Variants in TNRC6A observed in about 807,000 individuals in gnomAD.
TNRC6A encodes the protein trinucleotide repeat-containing gene 6A protein.
In TNRC6A, 44 loss-of-function variants were observed where a neutral mutation model predicts 221.2. That is an observed-to-expected ratio of 0.20 (90% CI 0.16 to 0.26). The LOEUF (loss-of-function observed/expected upper bound fraction) is 0.26. Ranked by LOEUF, TNRC6A falls within the 10% of genes least tolerant of loss-of-function variation. The pLI is 1.00. For missense variants in TNRC6A, 2,199 were observed against 2,404.4 expected, an observed-to-expected ratio of 0.91 and a Z score of 1.79; for synonymous variants, 847 against 838.5, an observed-to-expected ratio of 1.01 and a Z score of -0.18.
At chr16:24,734,222 C>A (rs2056711208) in intron 2 of TNRC6A, among the ~76,000 whole-genome samples, 1 of 152,174 alleles carries the variant, frequency 6.6e-6, no homozygotes, top group South Asian at 2.1e-4. Context: ...GTATAAGATA[C>A]TGAGGAAGTT....
chr16:24,816,611 C>A, intron 19 of TNRC6A: 1 of 558,944 alleles, frequency 1.8e-6, no homozygotes, highest in Non-Finnish European at 3.0e-6. Context: ...GAGATGATTT[C>A]AGTTGTAAAA....
chr16:24,628,850 A>G (rs1176545182), intron 1 of TNRC6A, among the ~76,000 whole-genome samples: 11 of 151,144 alleles, frequency 7.3e-5, no homozygotes. Flanking sequence ...TTTTTCTGTC[A>G]TTTTCATCGG....
At chr16:24,750,923 T>G in intron 3 of TNRC6A, 110 bp downstream of exon 3, 2 of 1,043,296 alleles carry the variant, frequency 1.9e-6, no homozygotes, top group Non-Finnish European at 2.6e-6. Flanking sequence ...TTAGCTTTAA[T>G]GGAGATTCAT....
At chr16:24,778,362 T>G in intron 5 of TNRC6A, 5 of 984,678 alleles carry the variant, frequency 5.1e-6, no homozygotes, top group Non-Finnish European at 6.0e-6. Flanking sequence ...TAGCAGATCC[T>G]GGACTCACAT....
At chr16:24,703,729 A>C (rs35575023) in intron 2 of TNRC6A, among the ~76,000 whole-genome samples, 1 of 151,866 alleles carries the variant, frequency 6.6e-6, no homozygotes, top group African/African-American at 2.4e-5. Context: ...ATATGCTTTC[A>C]TTTCTCTTGA....
At chr16:24,711,200 G>C (rs999478193) in intron 2 of TNRC6A, among the ~76,000 whole-genome samples, 1 of 151,824 alleles carries the variant, frequency 6.6e-6, no homozygotes, top group African/African-American at 2.4e-5. Context: ...TAGAGATAGG[G>C]TTTCACCAGG....
At chr16:24,781,134 A>AGCCTCAAC (rs2057836788) in intron 5 of TNRC6A, among the ~76,000 whole-genome samples, 2 of 139,676 alleles carry the variant, frequency 1.4e-5, no homozygotes, top group South Asian at 4.5e-4. Context: ...GGCTCACTAC[A>AGCCTCAAC]GCCTCAACCT....
chr16:24,623,210 T>A (rs962194566), intron 1 of TNRC6A, among the ~76,000 whole-genome samples: 10 of 151,108 alleles, frequency 6.6e-5, no homozygotes, highest in East Asian at 3.9e-4. Context: ...TTATTTATTT[T>A]TTTTTTGAGA....
At chr16:24,644,437 G>A (rs1167102627) in intron 2 of TNRC6A, among the ~76,000 whole-genome samples, 1 of 151,930 alleles carries the variant, frequency 6.6e-6, no homozygotes, top group Non-Finnish European at 1.5e-5. Flanking sequence ...GGGACTACAG[G>A]TGCATACTGC....
intron 2 of TNRC6A, among the ~76,000 whole-genome samples, chr16:24,695,611 G>T (rs1285882764): frequency 6.6e-6 from 1 of 151,970 alleles, no homozygotes; most frequent in Admixed American, 6.6e-5. Context: ...TTTTGATCAG[G>T]CTGGTCTCGA....
At chr16:24,616,520 A>T (rs563837586) in intron 1 of TNRC6A, among the ~76,000 whole-genome samples, 2 of 152,310 alleles carry the variant, frequency 1.3e-5, no homozygotes, top group Admixed American at 1.3e-4. Context: ...TGTTATTTCT[A>T]TCTTGACAAC....
At position 24,777,271 on chromosome 16, in the gene TNRC6A, G is replaced by T; in HGVS notation, c.502G>T (p.Val168Leu). 1 of 1,614,170 alleles carries T rather than the reference G, an allele frequency of 6.2e-7. No homozygotes were observed. The highest frequency in any genetic ancestry group is 8.5e-7 in the Non-Finnish European group (1 of 1,180,038). ...IAANLGSAVK[V>L]LNSQSESSAL... The stretch of plus-strand genomic sequence containing the variant: ...AGCAAACCTTGGATCTGCTGTTAAG[G>T]TGTTAAACAGCCAGTCAGAAAGCAG... The change falls in exon 5 of 25, where the codon GTG (valine) becomes TTG (leucine). Residue 168 changes from valine to leucine, a missense_variant. Physicochemically the swap from Val to Leu is conservative, Grantham distance 32 (BLOSUM62 1). Around this residue, in one of 8 missense-constraint regions of TNRC6A, gnomAD observed 1,405 missense variants for 1,400.2 expected, o/e 1.00. Transcript: ENST00000395799.
intron 2 of TNRC6A, among the ~76,000 whole-genome samples, chr16:24,671,940 T>C (rs1171393731): frequency 6.6e-6 from 1 of 152,210 alleles, no homozygotes; most frequent in Non-Finnish European, 1.5e-5. Flanking sequence ...ATGCAATTTC[T>C]GATCCTACAT....
At chr16:24,652,692 T>A (rs569935731) in intron 2 of TNRC6A, among the ~76,000 whole-genome samples, 143 of 152,274 alleles carry the variant, frequency 9.4e-4, no homozygotes, top group Non-Finnish European at 1.9e-4. Context: ...CCAAACAGCA[T>A]ATGAAAGACG....
chr16:24,651,736 A>C (rs1902677427), intron 2 of TNRC6A, among the ~76,000 whole-genome samples: 2 of 150,374 alleles, frequency 1.3e-5, no homozygotes, highest in Admixed American at 1.3e-4. Context: ...AAAAATAAAA[A>C]ATAAAATAAA....
chr16:24,722,168 T>G (rs926455038), intron 2 of TNRC6A, among the ~76,000 whole-genome samples: 2 of 152,182 alleles, frequency 1.3e-5, no homozygotes, highest in Admixed American at 1.3e-4. Context: ...TCCTGTGCTT[T>G]GGGAGGCCAA....
intron 2 of TNRC6A, among the ~76,000 whole-genome samples, chr16:24,659,808 A>AT (rs1567332358): frequency 1.3e-5 from 2 of 151,984 alleles, no homozygotes; most frequent in Non-Finnish European, 2.9e-5. Context: ...TTTTGTTAAG[A>AT]TTTTCTTCAT....
chr16:24,682,304 G>T (rs751359623), intron 2 of TNRC6A, among the ~76,000 whole-genome samples: 3 of 151,238 alleles, frequency 2.0e-5, no homozygotes, highest in Admixed American at 6.6e-5. Context: ...TCAGCTCACC[G>T]CAGCCTCAAC....
intron 11 of TNRC6A, among the ~76,000 whole-genome samples, chr16:24,803,057 G>A (rs1032670450): frequency 1.3e-5 from 2 of 152,164 alleles, no homozygotes; most frequent in Non-Finnish European, 2.9e-5. Flanking sequence ...ACCCTGTCTG[G>A]TGTCCAGTTT....
Sources: allele counts gnomAD v4.1 joint callset (sites outside exome capture counted in the v4.1 genomes callset), GRCh38; gene constraint gnomAD v4.1.1; regional missense constraint gnomAD v4.1.1; transcripts MANE v1.5; gene names NCBI Gene and HGNC (gene_info 2026-07-23, HGNC 2026-07-21).